The following GNA14 variants were observed in gnomAD, a reference collection of about 807,000 sequenced individuals.
The protein encoded by GNA14 is guanine nucleotide-binding protein subunit alpha-14.
A neutral mutation model predicts 42.0 loss-of-function variants in GNA14; 50 were observed. That is an observed-to-expected ratio of 1.19 (90% CI 0.95 to 1.51). GNA14 has a LOEUF of 1.51. GNA14 is among the 40% of genes most tolerant of loss of function. The pLI is 0.00. For missense variants in GNA14, 473 were observed against 446.2 expected (o/e 1.06, Z -0.54); for synonymous variants, 173 against 163.1 (o/e 1.06, Z -0.46).
chr9:77,647,908 G>C lies in GNA14; in HGVS notation c.-115C>G. 5.5e-6 allele frequency: 7 copies of C among 1,264,254 alleles called. No individual in the cohort carries two copies. Among genetic ancestry groups the C allele is most frequent in the Non-Finnish European group, 7.6e-6 (7 of 923,422 alleles). The allele number at this position is 1,264,254 out of a possible 1,614,324, so 78.3% of individuals were successfully genotyped here. On this transcript the variant is annotated 5_prime_UTR_variant, in exon 1 of 7. Coordinates refer to ENST00000341700, the MANE Select transcript of GNA14 (RefSeq NM_004297.4). The stretch of plus-strand genomic sequence containing the variant: ...GCACAGGGGTGTGGAAAGAAAAGAC[G>C]GGGGCCGACTTGAGCTTTGGAGTAA...
At chr9:77,505,943 A>T (rs942512927) in intron 2 of GNA14, among the ~76,000 whole-genome samples, 1 of 152,172 alleles carries the variant, frequency 6.6e-6, no homozygotes, top group African/African-American at 2.4e-5. Flanking sequence ...TATGAAATTT[A>T]AAACTTTTTA....
chr9:77,618,884 C>T lies in GNA14; in HGVS notation c.124+28786G>A, dbSNP rs916984361. Among the ~76,000 whole-genome samples, 4 of 151,110 alleles carry T rather than the reference C, an allele frequency of 2.6e-5. 1 individual carries two copies. Among genetic ancestry groups the T allele is most frequent in the East Asian group, 1.9e-4 (1 of 5,132 alleles). On this transcript the variant is annotated intron_variant, in intron 1 of 6. Transcript: ENST00000341700. ...TCCTGACCTCGTGATCCGCCCGCCTCGGCCTCCCAAAGTGCTGGGATTACA... is the reference window on the plus strand; with the variant it reads ...TCCTGACCTCGTGATCCGCCCGCCTTGGCCTCCCAAAGTGCTGGGATTACA...
intron 1 of GNA14, among the ~76,000 whole-genome samples, chr9:77,531,386 C>A (rs991400186): frequency 6.6e-6 from 1 of 152,292 alleles, no homozygotes; most frequent in Admixed American, 6.5e-5. Context: ...CTTGGCTGCA[C>A]AAACCCTATA....
intron 1 of GNA14, among the ~76,000 whole-genome samples, chr9:77,613,566 A>C (rs989798759): frequency 1.3e-5 from 2 of 152,232 alleles, no homozygotes; most frequent in African/African-American, 4.8e-5. Context: ...CAAAAGGGGC[A>C]GGAGGAAATT....
chr9:77,500,703 T>C (rs1836952132), intron 2 of GNA14, among the ~76,000 whole-genome samples: 1 of 152,240 alleles, frequency 6.6e-6, no homozygotes, highest in African/African-American at 2.4e-5. Flanking sequence ...TCATATAGTA[T>C]GTAACCTTGT....
intron 2 of GNA14, among the ~76,000 whole-genome samples, chr9:77,495,911 A>C (rs1415117916): frequency 6.6e-6 from 1 of 152,192 alleles, no homozygotes; most frequent in African/African-American, 2.4e-5. Flanking sequence ...CATGTTCCTT[A>C]ATTGGTCGGC....
intron 1 of GNA14, among the ~76,000 whole-genome samples, chr9:77,570,087 C>T (rs114913154): frequency 0.023 from 3,456 of 152,200 alleles, 142 homozygotes; most frequent in African/African-American, 0.078. Context: ...AATGTCCACA[C>T]ATTTTAGGAC....
chr9:77,441,051 T>G (rs1381087388), intron 2 of GNA14, among the ~76,000 whole-genome samples: 5 of 152,132 alleles, frequency 3.3e-5, no homozygotes, highest in African/African-American at 1.2e-4. Flanking sequence ...TATTATTAAC[T>G]TAGTCATCAT....
At chr9:77,476,931 A>G (rs752592678) in intron 2 of GNA14, among the ~76,000 whole-genome samples, 1 of 152,196 alleles carries the variant, frequency 6.6e-6, no homozygotes, top group Admixed American at 6.5e-5. Context: ...TGGCTCAGGG[A>G]AAGACTGCAT....
Position 77,465,665 on chromosome 9 carries a change from T to C in GNA14, c.310-31143A>G, listed in dbSNP as rs556912842. Among the ~76,000 whole-genome samples, 5 of 30,038 alleles carry C rather than the reference T, an allele frequency of 1.7e-4. No individual in the cohort carries two copies. In the South Asian group the frequency reaches 8.4e-3, roughly 50 times the overall value. 19.7% of individuals were successfully genotyped at this position (30,038 alleles called of 152,430 possible). A position where few individuals can be genotyped will look rare whatever the true frequency, so the allele number is the denominator to read the frequency against. ...AACATAGCTTTCTACCTTTGCTTGA[T>C]ATAGGATTTTTTTTTTTGAGGCCTC... On this transcript the variant is annotated intron_variant, in intron 2 of 6. Transcript: ENST00000341700.
At chr9:77,635,763 A>G (rs1253251162) in intron 1 of GNA14, among the ~76,000 whole-genome samples, 1 of 152,222 alleles carries the variant, frequency 6.6e-6, no homozygotes, top group East Asian at 1.9e-4. Context: ...GAAATTCAAC[A>G]TGAAGACTCA....
chr9:77,561,623 G>A (rs181270929), intron 1 of GNA14, among the ~76,000 whole-genome samples: 1 of 152,316 alleles, frequency 6.6e-6, no homozygotes, highest in East Asian at 1.9e-4. Flanking sequence ...AATATTATAT[G>A]AGGGGAATGG....
chr9:77,576,965 C>T lies in GNA14; in HGVS notation c.125-47712G>A, dbSNP rs141876390. On this transcript the variant is annotated intron_variant, in intron 1 of 6. Transcript: ENST00000341700. ...TCAGCAAATAGCTCAGAAATTTATGCCTCTTCCTTGCTAACCTCTAGCATT... is the reference window on the plus strand; with the variant it reads ...TCAGCAAATAGCTCAGAAATTTATGTCTCTTCCTTGCTAACCTCTAGCATT... Among the ~76,000 whole-genome samples the T allele has an allele frequency of 6.7e-3, 1,017 of 152,246 alleles. 6 individuals are homozygous for T. The highest frequency in any genetic ancestry group is 9.4e-3 in the Non-Finnish European group (636 of 68,004).
chr9:77,471,171 A>T, intron 2 of GNA14, among the ~76,000 whole-genome samples: 1 of 152,220 alleles, frequency 6.6e-6, no homozygotes, highest in Non-Finnish European at 1.5e-5. Context: ...TATTAGGTTC[A>T]GCCCTACCAG....
At chr9:77,521,590 G>A (rs1837355355) in intron 2 of GNA14, among the ~76,000 whole-genome samples, 1 of 152,086 alleles carries the variant, frequency 6.6e-6, no homozygotes, top group Non-Finnish European at 1.5e-5. Context: ...TGGAGCTGGA[G>A]GAGTTATTTA....
chr9:77,556,757 A>T (rs1822787624), intron 1 of GNA14, among the ~76,000 whole-genome samples: 1 of 152,064 alleles, frequency 6.6e-6, no homozygotes, highest in Non-Finnish European at 1.5e-5. Flanking sequence ...CACACATCCC[A>T]CAGCCCCTTT....
intron 1 of GNA14, among the ~76,000 whole-genome samples, chr9:77,614,881 G>C (rs1046584158): frequency 6.6e-6 from 1 of 152,328 alleles, no homozygotes; most frequent in African/African-American, 2.4e-5. Context: ...CAAAGAAATC[G>C]TCAGGGGTGG....
intron 2 of GNA14, among the ~76,000 whole-genome samples, chr9:77,471,093 G>A (rs747284081): frequency 9.9e-5 from 15 of 152,170 alleles, no homozygotes; most frequent in African/African-American, 1.9e-4. Context: ...TGGGTTGGGC[G>A]TTCAAAACTG....
intron 2 of GNA14, among the ~76,000 whole-genome samples, chr9:77,456,924 CG>C (rs1352757948): frequency 1.3e-5 from 2 of 152,160 alleles, no homozygotes; most frequent in Non-Finnish European, 2.9e-5. Context: ...GACGAGTTTA[CG>C]TACTTACCTA....
Sources: gnomAD v4.1 joint callset for allele counts (sites outside exome capture counted in the v4.1 genomes callset) on GRCh38, gnomAD v4.1.1 for gene constraint, MANE v1.5 for transcripts, NCBI Gene and HGNC (gene_info 2026-07-23, HGNC 2026-07-21) for gene names.